DACH1: variants seen among roughly 807,000 people sequenced by gnomAD.
DACH1 encodes dachshund family transcription factor 1.
In DACH1, 12 loss-of-function variants were observed where a neutral mutation model predicts 54.2. The observed-to-expected ratio is 0.22, with a 90% CI of 0.14 to 0.36. The LOEUF (loss-of-function observed/expected upper bound fraction) is 0.36, where lower values mean the gene tolerates loss of function less well. Ranked by LOEUF, DACH1 falls within the 10% of genes least tolerant of loss-of-function variation. DACH1 has a pLI of 1.00. For missense variants in DACH1, 805 were observed against 929.8 expected (o/e 0.87, Z 1.75); for synonymous variants, 386 against 366.2 (o/e 1.05, Z -0.62).
intron 6 of DACH1, among the ~76,000 whole-genome samples, chr13:71,527,505 CA>C (rs777531359): frequency 1.3e-5 from 2 of 152,130 alleles, no homozygotes; most frequent in Admixed American, 6.5e-5. Context: ...CATAGTAAAT[CA>C]AATGTGAAAT....
At chr13:71,833,236 G>A (rs1402078772) in intron 1 of DACH1, among the ~76,000 whole-genome samples, 1 of 151,862 alleles carries the variant, frequency 6.6e-6, no homozygotes, top group African/African-American at 2.4e-5. Context: ...CTGAGGGATG[G>A]GTTCTATGGT....
At chr13:71,638,485 A>G (rs1009207606) in intron 2 of DACH1, among the ~76,000 whole-genome samples, 3 of 152,194 alleles carry the variant, frequency 2.0e-5, no homozygotes, top group East Asian at 1.9e-4. Flanking sequence ...TATCAGTGCC[A>G]TATTCATATA....
At chr13:71,783,360 A>C (rs1265336981) in intron 1 of DACH1, among the ~76,000 whole-genome samples, 1 of 152,186 alleles carries the variant, frequency 6.6e-6, no homozygotes, top group Non-Finnish European at 1.5e-5. Context: ...GGTACTTAAT[A>C]TTCCTACAGA....
At chr13:71,688,276 A>G (rs1481381417) in intron 1 of DACH1, among the ~76,000 whole-genome samples, 1 of 152,232 alleles carries the variant, frequency 6.6e-6, no homozygotes, top group East Asian at 1.9e-4. Flanking sequence ...TTTCGCCAAA[A>G]GAAGCGGCTG....
Position 71,615,146 on chromosome 13 carries a change from C to G in DACH1, c.1126+15410G>C, listed in dbSNP as rs186517707. Reference sequence around the variant, plus strand: ...AACTTAAACTATAAAAGCTTATGTTCTATTGTTGTAGGCCTACATGTAAAG... The same window carrying G: ...AACTTAAACTATAAAAGCTTATGTTGTATTGTTGTAGGCCTACATGTAAAG... On this transcript the variant is annotated intron_variant, in intron 3 of 10. Transcript: ENST00000613252. Among the ~76,000 whole-genome samples, 6 of 151,998 alleles carry G rather than the reference C, an allele frequency of 3.9e-5. No homozygotes were observed. In the East Asian group the frequency reaches 1.2e-3, roughly 29 times the overall value.
intron 7 of DACH1, among the ~76,000 whole-genome samples, chr13:71,484,398 C>T (rs983449061): frequency 8.5e-5 from 13 of 152,106 alleles, no homozygotes; most frequent in African/African-American, 3.1e-4. Context: ...AACTCCTGGC[C>T]TCAAGTGGTC....
chr13:71,651,143 A>AGT (rs2138622749), intron 2 of DACH1, among the ~76,000 whole-genome samples: 1 of 152,306 alleles, frequency 6.6e-6, no homozygotes, highest in South Asian at 2.1e-4. Flanking sequence ...TGCAAAATAT[A>AGT]GTGAAAACAT....
intron 1 of DACH1, among the ~76,000 whole-genome samples, chr13:71,850,140 C>T (rs933504500): frequency 6.6e-6 from 1 of 152,164 alleles, no homozygotes; most frequent in African/African-American, 2.4e-5. Flanking sequence ...AGGTATACAT[C>T]AGTACATTTG....
At chr13:71,462,903 CACACACACACACATAA>C (rs1313028535) in intron 10 of DACH1, among the ~76,000 whole-genome samples, 7 of 93,326 alleles carry the variant, frequency 7.5e-5, no homozygotes, top group Non-Finnish European at 1.8e-4. Flanking sequence ...CACACACACA[CACACACACACACATAA>C]ACCATGAATA....
intron 6 of DACH1, among the ~76,000 whole-genome samples, chr13:71,522,545 G>A (rs1307912788): frequency 2.0e-5 from 3 of 152,068 alleles, no homozygotes; most frequent in African/African-American, 7.2e-5. Context: ...TCTGGAGGCT[G>A]AGGAGGGAGG....
intron 1 of DACH1, among the ~76,000 whole-genome samples, chr13:71,751,926 A>C (rs74099123): frequency 1.3e-3 from 203 of 152,288 alleles, no homozygotes; most frequent in African/African-American, 4.8e-3. Context: ...GAATTCTACT[A>C]TTATGTATCA....
intron 1 of DACH1, among the ~76,000 whole-genome samples, chr13:71,762,409 AT>A (rs1885436005): frequency 6.6e-6 from 1 of 152,172 alleles, no homozygotes; most frequent in Non-Finnish European, 1.5e-5. Context: ...AATGTCACAT[AT>A]GAGTAAGTGA....
chr13:71,530,464 A>T (rs1882340474), intron 6 of DACH1, among the ~76,000 whole-genome samples: 1 of 152,008 alleles, frequency 6.6e-6, no homozygotes, highest in African/African-American at 2.4e-5. Context: ...TAAAAAAAAA[A>T]GTTATTTGAA....
intron 6 of DACH1, among the ~76,000 whole-genome samples, chr13:71,547,938 C>A (rs1883564044): frequency 6.6e-6 from 1 of 152,122 alleles, no homozygotes; most frequent in African/African-American, 2.4e-5. Context: ...TGTTACTCTG[C>A]TTCTTAACCT....
At chr13:71,492,952 A>T in intron 6 of DACH1, among the ~76,000 whole-genome samples, 1 of 151,864 alleles carries the variant, frequency 6.6e-6, no homozygotes, top group Non-Finnish European at 1.5e-5. Context: ...TTCCAATTGT[A>T]TTATTTTTGA....
chr13:71,629,341 G>A (rs1202179367), intron 3 of DACH1, among the ~76,000 whole-genome samples: 7 of 151,944 alleles, frequency 4.6e-5, no homozygotes, highest in Non-Finnish European at 5.9e-5. Context: ...CTAGGAACTC[G>A]CACTCACACC....
At chr13:71,704,004 G>C (rs531578384) in intron 1 of DACH1, among the ~76,000 whole-genome samples, 2 of 152,246 alleles carry the variant, frequency 1.3e-5, no homozygotes, top group East Asian at 3.9e-4. Context: ...TCAAAATAGA[G>C]TGATAAAAAT....
chr13:71,866,236 T>C lies in DACH1; in HGVS notation c.534A>G (p.Pro178=). ...CATTATTCTGAGGGGTGTTTTCCAC[T>C]GGGGACGGGGTTGAGTACACGGGTT... ...PGKPVYSTPS[P]VENTPQNNEC... is the part of the protein sequence containing the mutation. Residue 178 remains proline (P), a synonymous_variant, in exon 1 of 11, where the codon CCA becomes CCG. Transcript: ENST00000613252. The C allele has an allele frequency of 6.2e-7, 1 of 1,612,018 alleles. No homozygotes were observed. Among genetic ancestry groups the C allele is most frequent in the South Asian group, 1.1e-5 (1 of 90,802 alleles).
chr13:71,629,009 T>A (rs1289822841), intron 3 of DACH1, among the ~76,000 whole-genome samples: 1 of 152,146 alleles, frequency 6.6e-6, no homozygotes, highest in Admixed American at 6.6e-5. Flanking sequence ...CAGATTGTTT[T>A]GTAATAATAG....
Sources: gnomAD v4.1 joint callset for allele counts (sites outside exome capture counted in the v4.1 genomes callset) on GRCh38, gnomAD v4.1.1 for gene constraint, MANE v1.5 for transcripts, NCBI Gene and HGNC (gene_info 2026-07-23, HGNC 2026-07-21) for gene names.